The following GALNTL6 variants were observed in gnomAD, a reference collection of about 807,000 sequenced individuals.
GALNTL6 encodes the protein polypeptide N-acetylgalactosaminyltransferase-like 6.
In GALNTL6, 46 loss-of-function variants were observed where a neutral mutation model predicts 73.7. The ratio of observed to expected loss-of-function variants is 0.62; its 90% CI spans 0.49 to 0.80. The LOEUF is 0.80. Ranked by LOEUF, GALNTL6 falls within the 30% of genes least tolerant of loss-of-function variation. The pLI, the probability that GALNTL6 is intolerant of heterozygous loss-of-function variation, is 0.00. For synonymous variants in GALNTL6, 259 were observed against 263.7 expected (o/e 0.98, Z 0.17); for missense variants, 604 against 755.0 (o/e 0.80, Z 2.34).
At position 172,330,532 on chromosome 4, in the gene GALNTL6, A is replaced by G. The variant is rs550855379; in HGVS notation, c.387-17991A>G. 9.2e-5 allele frequency among the ~76,000 whole-genome samples: 14 copies of G among 152,202 alleles called. No homozygotes were observed. In the East Asian group the frequency reaches 2.5e-3, roughly 27 times the overall value. Reference sequence around the variant, plus strand: ...TGGCTATTTCAGCTGAAGGTGCTGTATTTACTTGTGCCCTCTTTTTCTCTC... The same window carrying G: ...TGGCTATTTCAGCTGAAGGTGCTGTGTTTACTTGTGCCCTCTTTTTCTCTC... On this transcript the variant is annotated intron_variant, in intron 4 of 12. Transcript: ENST00000506823.
intron 8 of GALNTL6, among the ~76,000 whole-genome samples, chr4:172,929,942 T>C (rs1188975715): frequency 2.0e-5 from 3 of 152,228 alleles, no homozygotes; most frequent in African/African-American, 7.2e-5. Context: ...AAGGTTGTCA[T>C]GGTAAAATAT....
intron 5 of GALNTL6, among the ~76,000 whole-genome samples, chr4:172,708,258 A>C (rs1560895085): frequency 6.6e-6 from 1 of 152,158 alleles, no homozygotes; most frequent in East Asian, 1.9e-4. Flanking sequence ...CTATGTTGCC[A>C]GGCAACACTT....
At chr4:172,034,389 AGCGTGCGTGCGTGTGTGTGTGTGTGT>A (rs755725043) in intron 2 of GALNTL6, among the ~76,000 whole-genome samples, 1 of 105,130 alleles carries the variant, frequency 9.5e-6, no homozygotes, top group African/African-American at 3.7e-5. Context: ...CCTTAAGGGG[AGCGTGCGTGCGTGTGTGTGTGTGTGT>A]GTGTGTGTGT....
intron 10 of GALNTL6, 71 bp from the exon 11 acceptor site, chr4:173,009,107 C>G: frequency 1.0e-6 from 1 of 975,422 alleles, no homozygotes; most frequent in Non-Finnish European, 1.7e-6. Context: ...TTAATCTACA[C>G]CATGGTTGTT....
intron 2 of GALNTL6, among the ~76,000 whole-genome samples, chr4:172,066,022 C>T (rs191861163): frequency 1.1e-4 from 16 of 152,082 alleles, no homozygotes; most frequent in African/African-American, 3.9e-4. Flanking sequence ...CAAACAACAC[C>T]AATAACCTCC....
At chr4:172,736,557 A>G (rs2111405051) in intron 5 of GALNTL6, among the ~76,000 whole-genome samples, 1 of 152,324 alleles carries the variant, frequency 6.6e-6, no homozygotes, top group South Asian at 2.1e-4. Flanking sequence ...CAGGGTCCTG[A>G]GGTGACATAC....
intron 3 of GALNTL6, among the ~76,000 whole-genome samples, chr4:172,309,901 T>G (rs1244348236): frequency 6.6e-6 from 1 of 152,014 alleles, no homozygotes; most frequent in East Asian, 1.9e-4. Flanking sequence ...TGCATAGGAC[T>G]AAAAGAATGA....
chr4:173,020,073 A>G (rs1752934546), intron 11 of GALNTL6, among the ~76,000 whole-genome samples: 1 of 152,220 alleles, frequency 6.6e-6, no homozygotes, highest in Admixed American at 6.5e-5. Context: ...CGTAAGTCCT[A>G]TTGTAAGAAT....
intron 2 of GALNTL6, among the ~76,000 whole-genome samples, chr4:171,981,819 G>T (rs1739905256): frequency 1.3e-5 from 2 of 151,580 alleles, no homozygotes; most frequent in Non-Finnish European, 2.9e-5. Flanking sequence ...ATGTTTAAAG[G>T]AAATTATTCT....
At chr4:172,340,626 A>G (rs1741526997) in intron 4 of GALNTL6, among the ~76,000 whole-genome samples, 1 of 152,176 alleles carries the variant, frequency 6.6e-6, no homozygotes, top group African/African-American at 2.4e-5. Flanking sequence ...TTGTTACATA[A>G]TGAATTTAAG....
At chr4:172,405,819 A>G (rs1744220753) in intron 5 of GALNTL6, among the ~76,000 whole-genome samples, 1 of 152,002 alleles carries the variant, frequency 6.6e-6, no homozygotes, top group Admixed American at 6.6e-5. Flanking sequence ...ATGAAACTTT[A>G]AGATGCAGAC....
chr4:171,935,784 C>A (rs1015311375), intron 2 of GALNTL6, among the ~76,000 whole-genome samples: 1 of 152,100 alleles, frequency 6.6e-6, no homozygotes, highest in African/African-American at 2.4e-5. Flanking sequence ...TTTTATGGTT[C>A]CACTAGCTTG....
intron 2 of GALNTL6, among the ~76,000 whole-genome samples, chr4:171,933,783 G>A (rs1342733439): frequency 6.6e-6 from 1 of 152,008 alleles, no homozygotes; most frequent in Non-Finnish European, 1.5e-5. Flanking sequence ...ATAAACATCA[G>A]ATTTACTATG....
At chr4:172,482,805 T>C (rs961379023) in intron 5 of GALNTL6, among the ~76,000 whole-genome samples, 2 of 152,226 alleles carry the variant, frequency 1.3e-5, no homozygotes, top group African/African-American at 4.8e-5. Context: ...GTCGTCCTAA[T>C]CATTACTGTA....
intron 5 of GALNTL6, among the ~76,000 whole-genome samples, chr4:172,598,878 G>T (rs1038412815): frequency 6.6e-6 from 1 of 152,016 alleles, no homozygotes; most frequent in African/African-American, 2.4e-5. Flanking sequence ...ATTTCAAATT[G>T]TTCTTTATTT....
intron 5 of GALNTL6, among the ~76,000 whole-genome samples, chr4:172,745,972 G>C (rs1737087495): frequency 6.6e-6 from 1 of 151,954 alleles, no homozygotes; most frequent in Non-Finnish European, 1.5e-5. Context: ...TGTTATTACT[G>C]CTGCTTACCA....
rs146720874 is a variant in GALNTL6, at chr4:171,865,479, A to T, written c.138+50761A>T. ...TTACAAAATGATGATATCCATCAGT[A>T]ATTAGTTCCAGAAAGTCAGAATTAA... On this transcript the variant is annotated intron_variant, in intron 2 of 12. Coordinates refer to ENST00000506823, the MANE Select transcript of GALNTL6 (RefSeq NM_001034845.3). Among the ~76,000 whole-genome samples the T allele has an allele frequency of 7.9e-3, 1,202 of 152,360 alleles. 23 individuals carry two copies. Among genetic ancestry groups the T allele is most frequent in the African/African-American group, 0.027 (1,142 of 41,588 alleles).
chr4:172,276,391 T>C (rs540040718), intron 3 of GALNTL6, among the ~76,000 whole-genome samples: 1 of 152,308 alleles, frequency 6.6e-6, no homozygotes, highest in South Asian at 2.1e-4. Flanking sequence ...CCTGAATCAA[T>C]GCCAAGGATT....
chr4:172,123,977 T>A (rs113999362), intron 2 of GALNTL6, among the ~76,000 whole-genome samples: 1,741 of 152,294 alleles, frequency 0.011, 27 homozygotes, highest in African/African-American at 0.04. Flanking sequence ...CACTTAAGAG[T>A]ACTTCTTAGT....
Sources: gnomAD v4.1 joint callset for allele counts (sites outside exome capture counted in the v4.1 genomes callset) on GRCh38, gnomAD v4.1.1 for gene constraint, MANE v1.5 for transcripts, NCBI Gene and HGNC (gene_info 2026-07-23, HGNC 2026-07-21) for gene names.